Variants in MED12L observed in about 807,000 individuals in gnomAD.
The protein encoded by MED12L is mediator of RNA polymerase II transcription subunit 12-like protein.
In MED12L, 60 loss-of-function variants were observed where a neutral mutation model predicts 281.3. The observed-to-expected ratio is 0.21, with a 90% CI of 0.17 to 0.26. The LOEUF (loss-of-function observed/expected upper bound fraction) is 0.26, where lower values mean the gene tolerates loss of function less well. Ranked by LOEUF, MED12L falls within the 10% of genes least tolerant of loss-of-function variation. The probability of loss-of-function intolerance (pLI) is 1.00; values close to 1 mark genes in which losing one functional copy is unlikely to be tolerated. For synonymous variants in MED12L, 974 were observed against 987.2 expected (o/e 0.99, Z 0.25); for missense variants, 2,146 against 2,680.9 (o/e 0.80, Z 4.41).
intron 11 of MED12L, among the ~76,000 whole-genome samples, chr3:151,167,408 A>G (rs1373948997): frequency 2.6e-5 from 4 of 152,258 alleles, no homozygotes; most frequent in Non-Finnish European, 5.9e-5. Context: ...GATGGCAAGC[A>G]TCTTTGATAT....
intron 16 of MED12L, among the ~76,000 whole-genome samples, chr3:151,220,661 C>T (rs1483679070): frequency 6.6e-6 from 1 of 152,166 alleles, no homozygotes; most frequent in Non-Finnish European, 1.5e-5. Flanking sequence ...AAGCTCTCTT[C>T]TCTTGTCTGC....
At chr3:151,198,509 C>A (rs199881811) in intron 16 of MED12L, 1 of 1,613,284 alleles carries the variant, frequency 6.2e-7, no homozygotes, top group Non-Finnish European at 8.5e-7. Context: ...GACCTTTGAG[C>A]GGAATGCTTT....
At chr3:151,245,666 C>T in intron 16 of MED12L, among the ~76,000 whole-genome samples, 1 of 132,780 alleles carries the variant, frequency 7.5e-6, no homozygotes, top group Non-Finnish European at 1.6e-5. Context: ...CAATATCATA[C>T]TGAATGGGCA....
At chr3:151,399,606 T>C (rs1189026706) in intron 39 of MED12L, among the ~76,000 whole-genome samples, 1 of 152,240 alleles carries the variant, frequency 6.6e-6, no homozygotes, top group Non-Finnish European at 1.5e-5. Flanking sequence ...AAAGTATCAC[T>C]GTATTTTATT....
chr3:151,228,983 CT>C (rs1731079051), intron 16 of MED12L, among the ~76,000 whole-genome samples: 1 of 152,168 alleles, frequency 6.6e-6, no homozygotes, highest in Non-Finnish European at 1.5e-5. Flanking sequence ...GATCATGGGG[CT>C]GTTAGACCAT....
At chr3:151,292,732 C>G (rs566116630) in intron 16 of MED12L, among the ~76,000 whole-genome samples, 1 of 151,790 alleles carries the variant, frequency 6.6e-6, no homozygotes, top group Non-Finnish European at 1.5e-5. Context: ...GCCACCACGC[C>G]CGGCTGATTT....
chr3:151,143,412 A>T (rs1717320949), intron 5 of MED12L, among the ~76,000 whole-genome samples: 1 of 152,250 alleles, frequency 6.6e-6, no homozygotes, highest in South Asian at 2.1e-4. Flanking sequence ...TGCAAAGTGA[A>T]AAAAGAAAAT....
At chr3:151,416,181 A>C in intron 42 of MED12L, 131 bp from the exon 43 acceptor site, 1 of 1,512,930 alleles carries the variant, frequency 6.6e-7, no homozygotes, top group Non-Finnish European at 9.1e-7. Flanking sequence ...CAAGGTAGAG[A>C]TGCAGCAGGC....
chr3:151,183,311 T>C (rs1000409047), intron 11 of MED12L, among the ~76,000 whole-genome samples: 3 of 152,224 alleles, frequency 2.0e-5, no homozygotes, highest in Non-Finnish European at 4.4e-5. Context: ...TATTCTGCTC[T>C]GTGTTTGCTG....
chr3:151,377,461 A>G (rs1271266653), intron 30 of MED12L, among the ~76,000 whole-genome samples: 1 of 152,200 alleles, frequency 6.6e-6, no homozygotes, highest in Non-Finnish European at 1.5e-5. Context: ...TATTCATTAT[A>G]TGGGAAACGC....
intron 16 of MED12L, among the ~76,000 whole-genome samples, chr3:151,199,758 G>A (rs901252678): frequency 1.5e-4 from 23 of 152,058 alleles, no homozygotes; most frequent in Non-Finnish European, 2.9e-4. Flanking sequence ...TAAGTGAACC[G>A]AGATTCTGAG....
intron 21 of MED12L, among the ~76,000 whole-genome samples, chr3:151,362,715 G>GA (rs199597803): frequency 1.1e-3 from 163 of 150,728 alleles, no homozygotes; most frequent in African/African-American, 3.4e-3. Flanking sequence ...AGTAGGCACT[G>GA]AAAAAAAAAT....
intron 5 of MED12L, among the ~76,000 whole-genome samples, chr3:151,154,268 A>AAG (rs1394888310): frequency 6.6e-6 from 1 of 152,176 alleles, no homozygotes; most frequent in Non-Finnish European, 1.5e-5. Flanking sequence ...GCACAGGGTT[A>AAG]AGAGGGCTTT....
intron 11 of MED12L, among the ~76,000 whole-genome samples, chr3:151,171,814 C>T (rs908414113): frequency 1.3e-5 from 2 of 152,180 alleles, no homozygotes; most frequent in Admixed American, 1.3e-4. Context: ...GACAAAAGCT[C>T]GCTTTCTGTC....
chr3:151,347,256 C>T (rs1752655804), intron 16 of MED12L, among the ~76,000 whole-genome samples: 1 of 152,174 alleles, frequency 6.6e-6, no homozygotes, highest in African/African-American at 2.4e-5. Context: ...TTATCTTCAC[C>T]TCTGCCCTAT....
intron 20 of MED12L, among the ~76,000 whole-genome samples, chr3:151,360,261 G>C (rs932462181): frequency 6.6e-6 from 1 of 152,100 alleles, no homozygotes; most frequent in Non-Finnish European, 1.5e-5. Flanking sequence ...CTTGTCATCA[G>C]TGACATTTCT....
intron 5 of MED12L, among the ~76,000 whole-genome samples, chr3:151,146,917 G>A (rs1188417413): frequency 2.0e-5 from 3 of 152,138 alleles, no homozygotes; most frequent in African/African-American, 7.2e-5. Context: ...GACTCTGCTG[G>A]TCTTGTGGCA....
At chr3:151,228,674 G>A (rs1731016022) in intron 16 of MED12L, among the ~76,000 whole-genome samples, 1 of 152,106 alleles carries the variant, frequency 6.6e-6, no homozygotes, top group Non-Finnish European at 1.5e-5. Context: ...TATGTATGAA[G>A]TCCAGAGTGT....
At chr3:151,089,832 A>G (rs910455395) in intron 2 of MED12L, among the ~76,000 whole-genome samples, 3 of 152,170 alleles carry the variant, frequency 2.0e-5, no homozygotes, top group African/African-American at 7.2e-5. Context: ...TCAAGCCTTT[A>G]AAGCAGGGAA....
Sources: gnomAD v4.1 joint callset for allele counts (sites outside exome capture counted in the v4.1 genomes callset) on GRCh38, gnomAD v4.1.1 for gene constraint, MANE v1.5 for transcripts, NCBI Gene and HGNC (gene_info 2026-07-23, HGNC 2026-07-21) for gene names.